The following CCDC50 variants were observed in gnomAD, a reference collection of about 807,000 sequenced individuals.
The protein encoded by CCDC50 is coiled-coil domain-containing protein 50.
CCDC50 carries 54 observed loss-of-function variants against 70.2 expected under a neutral mutation model. The observed-to-expected ratio is 0.77, with a 90% CI of 0.62 to 0.96. CCDC50 has a LOEUF of 0.96. Ranked by LOEUF, CCDC50 falls within the 50% of genes least tolerant of loss-of-function variation. The pLI, the probability that CCDC50 is intolerant of heterozygous loss-of-function variation, is 0.00. For missense variants in CCDC50, 558 were observed against 578.7 expected (o/e 0.96, Z 0.37); for synonymous variants, 216 against 198.8 (o/e 1.09, Z -0.73).
At position 191,347,156 on chromosome 3, in the gene CCDC50, C is replaced by T. The variant is rs1274881981; in HGVS notation, c.50-9932C>T. Reference sequence around the variant, plus strand: ...AGCTTTCTATCTGTGATGTTTATTGCAGGATAATTAACCCGGAAAATGTCT... The same window carrying T: ...AGCTTTCTATCTGTGATGTTTATTGTAGGATAATTAACCCGGAAAATGTCT... On this transcript the variant is annotated intron_variant, in intron 1 of 11. Coordinates refer to ENST00000392455, the MANE Select transcript of CCDC50 (RefSeq NM_178335.3). 2.1e-5 allele frequency among the ~76,000 whole-genome samples: 3 copies of T among 142,376 alleles called. 1 individual carries two copies. The Admixed American group carries it at 2.1e-4, about 10-fold the overall frequency. 93.4% of individuals were successfully genotyped at this position (142,376 alleles called of 152,430 possible).
In CCDC50 at chr3:191,395,459, C is replaced by T. The variant is rs1217259744; in HGVS notation, c.*3699C>T. 1.3e-5 allele frequency: 2 copies of T among 152,118 alleles called. No individual in the cohort carries two copies. The highest frequency in any genetic ancestry group is 4.8e-5 in the African/African-American group (2 of 41,434). 9.4% of individuals were successfully genotyped at this position (152,118 alleles called of 1,614,324 possible). Reference sequence around the variant, plus strand: ...TAAGTCCTAGATTTTTTATGTCTTGCCTTTGTATAAGCATCGCTTTGGGGA... The same window carrying T: ...TAAGTCCTAGATTTTTTATGTCTTGTCTTTGTATAAGCATCGCTTTGGGGA... On this transcript the variant is annotated 3_prime_UTR_variant, in exon 12 of 12. Transcript: ENST00000392455.
At chr3:191,354,976 T>G (rs1170179751) in intron 1 of CCDC50, among the ~76,000 whole-genome samples, 2 of 152,226 alleles carry the variant, frequency 1.3e-5, no homozygotes, top group African/African-American at 4.8e-5. Flanking sequence ...AGCCACATTT[T>G]TTTTTCCTGA....
intron 10 of CCDC50, among the ~76,000 whole-genome samples, chr3:191,388,651 G>C (rs1481914780): frequency 6.6e-6 from 1 of 152,116 alleles, no homozygotes; most frequent in African/African-American, 2.4e-5. Context: ...AGAGCCCATT[G>C]TACCAAACCA....
chr3:191,374,799 C>T (rs187339639), intron 5 of CCDC50, among the ~76,000 whole-genome samples: 1 of 152,236 alleles, frequency 6.6e-6, no homozygotes, highest in Non-Finnish European at 1.5e-5. Flanking sequence ...GTTAGCTCTA[C>T]CTAATCGTGA....
At position 191,351,162 on chromosome 3, in the gene CCDC50, C is replaced by T. The variant is rs544151612; in HGVS notation, c.50-5926C>T. Among the ~76,000 whole-genome samples, 87 of 142,204 alleles carry T rather than the reference C, an allele frequency of 6.1e-4. 12 individuals are homozygous for T. Among genetic ancestry groups the T allele is most frequent in the African/African-American group, 2.1e-3 (83 of 39,982 alleles). The allele number at this position is 142,204 out of a possible 152,430, so 93.3% of individuals were successfully genotyped here. On this transcript the variant is annotated intron_variant, in intron 1 of 11. Coordinates refer to ENST00000392455, the MANE Select transcript of CCDC50 (RefSeq NM_178335.3). ...TCTGAGTGAGAAGGAGAGAAACTTG[C>T]TGTAAATGAGCTTTTTAAAATAACA...
At chr3:191,363,201 A>C (rs1244082578) in intron 4 of CCDC50, among the ~76,000 whole-genome samples, 2 of 152,216 alleles carry the variant, frequency 1.3e-5, no homozygotes, top group Non-Finnish European at 2.9e-5. Context: ...ATATAAAATT[A>C]GCAGTTTAGT....
intron 10 of CCDC50, among the ~76,000 whole-genome samples, chr3:191,389,031 C>G (rs17811727): frequency 0.18 from 26,977 of 151,582 alleles, 3,044 homozygotes; most frequent in Non-Finnish European, 0.24. Flanking sequence ...AGGAACTTTG[C>G]TCATGAAATT....
rs1383556291 is a variant in CCDC50 at position 191,395,371 on chromosome 3, C to A, written c.*3611C>A. On this transcript the variant is annotated 3_prime_UTR_variant, in exon 12 of 12. Transcript: ENST00000392455. ...AAACTTGTCTAAAATTTGTGTTGTG[C>A]CAAATTGGAAATACCCACTATAATA... 1.3e-5 allele frequency: 2 copies of A among 152,100 alleles called. No homozygotes were observed. Among genetic ancestry groups the A allele is most frequent in the Non-Finnish European group, 2.9e-5 (2 of 68,002 alleles). The allele number at this position is 152,100 out of a possible 1,614,324, so 9.4% of individuals were successfully genotyped here. A position where few individuals can be genotyped will look rare whatever the true frequency, so the allele number is the denominator to read the frequency against.
chr3:191,398,116 T>C lies in CCDC50; in HGVS notation c.*6356T>C, dbSNP rs1295063500. On this transcript the variant is annotated 3_prime_UTR_variant, in exon 12 of 12. Coordinates refer to ENST00000392455, the MANE Select transcript of CCDC50 (RefSeq NM_178335.3). ...TTGAGGAAAATGAGAATTGTGGTGC[T>C]GGTGACTTTCATGTGTCTTGGGAGG... 6.6e-6 allele frequency: 1 copy of C among 152,232 alleles called. No homozygotes were observed. Among genetic ancestry groups the C allele is most frequent in the African/African-American group, 2.4e-5 (1 of 41,464 alleles). The allele number at this position is 152,232 out of a possible 1,614,324, so 9.4% of individuals were successfully genotyped here.
chr3:191,339,648 A>G (rs1257682799), intron 1 of CCDC50, among the ~76,000 whole-genome samples: 5 of 152,236 alleles, frequency 3.3e-5, no homozygotes, highest in Non-Finnish European at 7.3e-5. Flanking sequence ...CTTTCTGAAT[A>G]TGGAAAGTGT....
chr3:191,348,263 CTG>C (rs1711991433), intron 1 of CCDC50, among the ~76,000 whole-genome samples: 1 of 141,562 alleles, frequency 7.1e-6, no homozygotes, highest in Admixed American at 7.2e-5. Context: ...CCACCATCAT[CTG>C]TGTAATAATG....
chr3:191,364,011 C>CTAAA (rs1712586463), intron 4 of CCDC50, among the ~76,000 whole-genome samples: 1 of 151,684 alleles, frequency 6.6e-6, no homozygotes, highest in Non-Finnish European at 1.5e-5. Flanking sequence ...GACAGTAGTG[C>CTAAA]TAACTCTTCC....
At chr3:191,367,159 G>T (rs1041056638) in intron 4 of CCDC50, among the ~76,000 whole-genome samples, 1 of 152,020 alleles carries the variant, frequency 6.6e-6, no homozygotes. Flanking sequence ...GTGCTAAGGT[G>T]CATGACATGT....
At chr3:191,388,922 CTTT>C (rs5855367) in intron 10 of CCDC50, among the ~76,000 whole-genome samples, 6 of 146,606 alleles carry the variant, frequency 4.1e-5, no homozygotes, top group Non-Finnish European at 3.0e-5. Flanking sequence ...AAAATTATAT[CTTT>C]TTTTTTTTTT....
At chr3:191,342,753 T>C (rs1711775688) in intron 1 of CCDC50, among the ~76,000 whole-genome samples, 1 of 152,206 alleles carries the variant, frequency 6.6e-6, no homozygotes, top group East Asian at 1.9e-4. Context: ...TTGGAGTTTC[T>C]TTAGGGATAC....
chr3:191,387,511 A>G (rs1713536888), intron 10 of CCDC50, among the ~76,000 whole-genome samples: 2 of 151,978 alleles, frequency 1.3e-5, no homozygotes, highest in Non-Finnish European at 2.9e-5. Flanking sequence ...CAGTAAGCCA[A>G]GATTTGTTCT....
At chr3:191,361,877 AG>A (rs1712503095) in intron 4 of CCDC50, among the ~76,000 whole-genome samples, 1 of 152,192 alleles carries the variant, frequency 6.6e-6, no homozygotes, top group Non-Finnish European at 1.5e-5. Context: ...GGGCCTGCAC[AG>A]GAGCCAGGGA....
At position 191,389,445 on chromosome 3, in the gene CCDC50, T is replaced by C. The variant is rs117174362; in HGVS notation, c.1323-51T>C. On this transcript the variant is annotated intron_variant, in intron 10 of 11. Transcript: ENST00000392455. The stretch of plus-strand genomic sequence containing the variant: ...TTGCAATCCAGTAAGAGGGGTGGAG[T>C]TGTAGTAAGCGTTACTTAGAATGCC... The C allele has an allele frequency of 4.6e-4, 651 of 1,422,652 alleles. 4 individuals carry two copies. In the East Asian group the frequency reaches 0.013, roughly 28 times the overall value. 88.1% of individuals were successfully genotyped at this position (1,422,652 alleles called of 1,614,324 possible). A position where few individuals can be genotyped will look rare whatever the true frequency, so the allele number is the denominator to read the frequency against.
intron 1 of CCDC50, among the ~76,000 whole-genome samples, chr3:191,334,888 C>A (rs1718092220): frequency 6.6e-6 from 1 of 152,142 alleles, no homozygotes; most frequent in Admixed American, 6.5e-5. Context: ...CAATTTTTTA[C>A]AACTTTTAGT....
Sources: allele counts gnomAD v4.1 joint callset (sites outside exome capture counted in the v4.1 genomes callset), GRCh38; gene constraint gnomAD v4.1.1; transcripts MANE v1.5; gene names NCBI Gene and HGNC (gene_info 2026-07-23, HGNC 2026-07-21).